The following COX10 variants were observed in gnomAD, a reference collection of about 807,000 sequenced individuals.
The protein encoded by COX10 is protoheme IX farnesyltransferase, mitochondrial.
Under a neutral mutation model 37.3 loss-of-function variants are expected in COX10, and 27 were observed. That is an observed-to-expected ratio of 0.72 (90% CI 0.53 to 1.00). The LOEUF is 1.00. COX10 is among the 50% of genes least tolerant of loss of function. COX10 has a pLI of 0.00. For synonymous variants in COX10, 222 were observed against 229.1 expected (o/e 0.97, Z 0.28); for missense variants, 475 against 563.2 (o/e 0.84, Z 1.59).
intron 5 of COX10, among the ~76,000 whole-genome samples, chr17:14,184,187 T>G (rs1208340469): frequency 6.6e-6 from 1 of 152,188 alleles, no homozygotes; most frequent in Non-Finnish European, 1.5e-5. Context: ...CCTTTTTACC[T>G]AAGCAAGTTT....
At chr17:14,164,985 T>G (rs1412395127) in intron 5 of COX10, among the ~76,000 whole-genome samples, 1 of 152,190 alleles carries the variant, frequency 6.6e-6, no homozygotes, top group Non-Finnish European at 1.5e-5. Flanking sequence ...ACAGAATTAT[T>G]GATAACGTCC....
intron 3 of COX10, among the ~76,000 whole-genome samples, chr17:14,086,695 A>T (rs1279652385): frequency 6.6e-6 from 1 of 151,888 alleles, no homozygotes; most frequent in Non-Finnish European, 1.5e-5. Context: ...CTCCTTTTTC[A>T]TGTTTATGCT....
chr17:14,099,367 A>AC (rs1271446946), intron 3 of COX10, among the ~76,000 whole-genome samples: 1 of 152,102 alleles, frequency 6.6e-6, no homozygotes, highest in African/African-American at 2.4e-5. Flanking sequence ...GAAATCCGTG[A>AC]CCCATCTAGA....
chr17:14,124,895 A>G lies in COX10; in HGVS notation c.624+22653A>G, dbSNP rs984290875. Among the ~76,000 whole-genome samples, 6 of 152,306 alleles carry G rather than the reference A, an allele frequency of 3.9e-5. 1 individual carries two copies. Among genetic ancestry groups the G allele is most frequent in the Admixed American group, 3.9e-4 (6 of 15,284 alleles). On this transcript the variant is annotated intron_variant, in intron 4 of 6. Transcript: ENST00000261643. Reference sequence around the variant, plus strand: ...CAGGTTATGAGCTATACTTGAGACAAATGTGCTCCAATTTTAGAAATCTTC... The same window carrying G: ...CAGGTTATGAGCTATACTTGAGACAGATGTGCTCCAATTTTAGAAATCTTC...
intron 6 of COX10, among the ~76,000 whole-genome samples, chr17:14,202,430 C>A (rs539948128): frequency 5.9e-5 from 9 of 152,090 alleles, no homozygotes; most frequent in Admixed American, 3.9e-4. Flanking sequence ...CCCAGATAAC[C>A]AACCACATTC....
At chr17:14,141,055 G>GTAATCA (rs963259195) in intron 4 of COX10, among the ~76,000 whole-genome samples, 2 of 150,786 alleles carry the variant, frequency 1.3e-5, no homozygotes, top group African/African-American at 4.9e-5. Flanking sequence ...TTTTTTTTGC[G>GTAATCA]TAATCATGAG....
intron 4 of COX10, among the ~76,000 whole-genome samples, chr17:14,106,119 C>A (rs1161406396): frequency 6.6e-6 from 1 of 152,016 alleles, no homozygotes; most frequent in East Asian, 1.9e-4. Flanking sequence ...TGGGTTCAAG[C>A]AATTCTCCTG....
At chr17:14,167,157 G>C (rs1597532053) in intron 5 of COX10, among the ~76,000 whole-genome samples, 1 of 152,260 alleles carries the variant, frequency 6.6e-6, no homozygotes, top group East Asian at 1.9e-4. Flanking sequence ...TACTTCAGTG[G>C]AGACAGATAC....
Position 14,090,182 on chromosome 17 carries a change from A to G in COX10, c.500-11936A>G, listed in dbSNP as rs548218746. Among the ~76,000 whole-genome samples the G allele has an allele frequency of 3.9e-5, 6 of 152,120 alleles. No individual in the cohort carries two copies. In the South Asian group the frequency reaches 1.2e-3, roughly 32 times the overall value. On this transcript the variant is annotated intron_variant, in intron 3 of 6. Transcript: ENST00000261643. ...TATCTGAATCACTCGAGGGAAGCAA[A>G]TGATTGCCTCTCAACCTGCAGGTCA...
chr17:14,136,058 A>G (rs1236064732), intron 4 of COX10, among the ~76,000 whole-genome samples: 1 of 152,112 alleles, frequency 6.6e-6, no homozygotes, highest in South Asian at 2.1e-4. Flanking sequence ...ATCAAACAAA[A>G]CAAAGAAAAT....
At chr17:14,071,409 A>G (rs1005352068) in intron 1 of COX10, among the ~76,000 whole-genome samples, 3 of 152,180 alleles carry the variant, frequency 2.0e-5, no homozygotes, top group African/African-American at 7.2e-5. Flanking sequence ...AAACTCTGCT[A>G]GTAAGTGGTC....
In COX10 at chr17:14,135,509, C is replaced by T. The variant is rs1904335633; in HGVS notation, c.625-24368C>T. Among the ~76,000 whole-genome samples the T allele has an allele frequency of 4.0e-5, 6 of 151,862 alleles. No homozygotes were observed. The South Asian group carries it at 1.2e-3, about 32-fold the overall frequency. ...ATTCTACTTTGGGTCAGAAGTGAGA[C>T]CCAGGGATCTGCATTTATAATTAAG... On this transcript the variant is annotated intron_variant, in intron 4 of 6. Coordinates refer to ENST00000261643, the MANE Select transcript of COX10 (RefSeq NM_001303.4).
chr17:14,207,399 T>C lies in COX10; in HGVS notation c.*186T>C. ...CCCAAAATGCTCCCCAAATAAGAAA[T>C]GCATCAGCTCAGTCAGTGAATACAA... On this transcript the variant is annotated 3_prime_UTR_variant, in exon 7 of 7. Transcript: ENST00000261643. 1.3e-6 allele frequency: 1 copy of C among 746,932 alleles called. No homozygotes were observed. Among genetic ancestry groups the C allele is most frequent in the African/African-American group, 1.8e-5 (1 of 56,592 alleles). The allele number at this position is 746,932 out of a possible 1,614,324, so 46.3% of individuals were successfully genotyped here. A position where few individuals can be genotyped will look rare whatever the true frequency, so the allele number is the denominator to read the frequency against.
intron 4 of COX10, among the ~76,000 whole-genome samples, chr17:14,153,352 A>G (rs1904956947): frequency 6.6e-6 from 1 of 152,190 alleles, no homozygotes; most frequent in African/African-American, 2.4e-5. Context: ...ATATTGCATA[A>G]CTTAAATACT....
intron 6 of COX10, among the ~76,000 whole-genome samples, chr17:14,198,262 G>T (rs1281219134): frequency 6.6e-6 from 1 of 152,148 alleles, no homozygotes; most frequent in Non-Finnish European, 1.5e-5. Context: ...AGCTGCAAGC[G>T]GGCCTGGAGC....
In COX10 at chr17:14,203,363, A is replaced by G. The variant is rs553290315; in HGVS notation, c.929-3447A>G. ...ATTTCCTCCCATACTGGAAGACTGA[A>G]AAGGGGTTGACTGACTTATGGAAGC... On this transcript the variant is annotated intron_variant, in intron 6 of 6. Coordinates refer to ENST00000261643, the MANE Select transcript of COX10 (RefSeq NM_001303.4). 6.8e-4 allele frequency among the ~76,000 whole-genome samples: 103 copies of G among 152,248 alleles called. 1 individual carries two copies. The highest frequency in any genetic ancestry group is 2.3e-3 in the African/African-American group (96 of 41,540).
intron 3 of COX10, among the ~76,000 whole-genome samples, chr17:14,085,296 A>AAAT (rs1331912742): frequency 1.3e-5 from 2 of 152,188 alleles, no homozygotes; most frequent in African/African-American, 4.8e-5. Context: ...TTTTATAAAA[A>AAAT]TGGGGTTATA....
chr17:14,153,738 G>A (rs1904967902), intron 4 of COX10, among the ~76,000 whole-genome samples: 1 of 152,208 alleles, frequency 6.6e-6, no homozygotes, highest in African/African-American at 2.4e-5. Flanking sequence ...TATGATATAT[G>A]TGTGTTTAGC....
intron 5 of COX10, chr17:14,182,078 C>T: frequency 1.4e-5 from 14 of 981,386 alleles, no homozygotes; most frequent in Non-Finnish European, 1.7e-5. Context: ...GCTTTCAGAA[C>T]TCATTCAGCG....
Sources: gnomAD v4.1 joint callset for allele counts (sites outside exome capture counted in the v4.1 genomes callset) on GRCh38, gnomAD v4.1.1 for gene constraint, MANE v1.5 for transcripts, NCBI Gene and HGNC (gene_info 2026-07-23, HGNC 2026-07-21) for gene names.